The following TIMP3 variants were observed in gnomAD, a reference collection of about 807,000 sequenced individuals.
The protein encoded by TIMP3 is metalloproteinase inhibitor 3.
TIMP3 carries 11 observed loss-of-function variants against 30.0 expected under a neutral mutation model. The observed-to-expected ratio is 0.37, with a 90% CI of 0.23 to 0.61. TIMP3 has a LOEUF of 0.61. Ranked by LOEUF, TIMP3 falls within the 20% of genes least tolerant of loss-of-function variation. The probability of loss-of-function intolerance (pLI) is 0.70; values close to 1 mark genes in which losing one functional copy is unlikely to be tolerated. For missense variants in TIMP3, 181 were observed against 276.8 expected (o/e 0.65, Z 2.45); for synonymous variants, 112 against 111.3 (o/e 1.01, Z -0.04).
intron 2 of TIMP3, among the ~76,000 whole-genome samples, chr22:32,851,348 G>A (rs778835086): frequency 1.1e-4 from 16 of 152,148 alleles, no homozygotes; most frequent in Admixed American, 4.6e-4. Context: ...CCTACCATCA[G>A]GGCCTGGAGA....
chr22:32,831,671 G>C (rs1262713895), intron 1 of TIMP3, among the ~76,000 whole-genome samples: 1 of 152,208 alleles, frequency 6.6e-6, no homozygotes, highest in Non-Finnish European at 1.5e-5. Context: ...CACAGAGCCA[G>C]AGCAAAAGAC....
intron 1 of TIMP3, among the ~76,000 whole-genome samples, chr22:32,807,421 T>G (rs1490568243): frequency 8.4e-6 from 1 of 119,620 alleles, no homozygotes; most frequent in Non-Finnish European, 1.7e-5. Flanking sequence ...TTTACATATA[T>G]ATTATATATA....
At chr22:32,848,227 A>T (rs1486484603) in intron 1 of TIMP3, among the ~76,000 whole-genome samples, 1 of 152,146 alleles carries the variant, frequency 6.6e-6, no homozygotes, top group African/African-American at 2.4e-5. Flanking sequence ...TCAGCCCTCA[A>T]CCCACTGGGT....
At position 32,861,684 on chromosome 22, in the gene TIMP3, G is replaced by A. The variant is rs2048542252; in HGVS notation, c.*2307G>A. On this transcript the variant is annotated 3_prime_UTR_variant, in exon 5 of 5. Transcript: ENST00000266085. The stretch of plus-strand genomic sequence containing the variant: ...AATTAGCAGAACCACATCCCCATCT[G>A]TTAGGCCTTGGTGAGGAGGCCCTGG... The A allele has an allele frequency of 6.5e-6, 1 of 152,672 alleles. No individual in the cohort carries two copies. Among genetic ancestry groups the A allele is most frequent in the African/African-American group, 2.4e-5 (1 of 41,464 alleles). The allele number at this position is 152,672 out of a possible 1,614,324, so 9.5% of individuals were successfully genotyped here.
chr22:32,824,808 G>A (rs373036104), intron 1 of TIMP3, among the ~76,000 whole-genome samples: 7 of 152,182 alleles, frequency 4.6e-5, no homozygotes, highest in South Asian at 2.1e-4. Flanking sequence ...AGACATGGCA[G>A]TTTGCATTCA....
chr22:32,844,886 A>C (rs1211716890), intron 1 of TIMP3, among the ~76,000 whole-genome samples: 1 of 151,750 alleles, frequency 6.6e-6, no homozygotes, highest in African/African-American at 2.4e-5. Flanking sequence ...AATTGTTTTA[A>C]ATTTTTATAA....
chr22:32,833,485 A>G (rs1387432309), intron 1 of TIMP3, among the ~76,000 whole-genome samples: 3 of 152,360 alleles, frequency 2.0e-5, no homozygotes, highest in East Asian at 3.9e-4. Context: ...ATGGTTGCAC[A>G]CTGGGCAGTT....
chr22:32,831,515 G>A (rs999866748), intron 1 of TIMP3, among the ~76,000 whole-genome samples: 7 of 152,114 alleles, frequency 4.6e-5, no homozygotes, highest in Non-Finnish European at 8.8e-5. Flanking sequence ...TCGGAGTTGG[G>A]GGGCAGTAAA....
intron 1 of TIMP3, among the ~76,000 whole-genome samples, chr22:32,838,039 G>A (rs1208913630): frequency 6.6e-6 from 1 of 152,182 alleles, no homozygotes; most frequent in Non-Finnish European, 1.5e-5. Context: ...GGCTGGGTGT[G>A]TCTGCTGCAT....
At chr22:32,833,757 G>A (rs1266344942) in intron 1 of TIMP3, 1 of 496,490 alleles carries the variant, frequency 2.0e-6, no homozygotes, top group Non-Finnish European at 4.0e-6. Flanking sequence ...TACAGGCCTC[G>A]ATTTCTAAAA....
At chr22:32,841,572 T>A (rs891283144) in intron 1 of TIMP3, among the ~76,000 whole-genome samples, 1 of 152,076 alleles carries the variant, frequency 6.6e-6, no homozygotes, top group Non-Finnish European at 1.5e-5. Context: ...ATGGGTCGAA[T>A]TTGAGATGTT....
At chr22:32,843,771 C>G (rs1006249808) in intron 1 of TIMP3, among the ~76,000 whole-genome samples, 9 of 152,178 alleles carry the variant, frequency 5.9e-5, no homozygotes, top group African/African-American at 2.2e-4. Context: ...GCAGCCCCTT[C>G]CCTGGGACTG....
At chr22:32,808,974 C>T (rs1013665370) in intron 1 of TIMP3, among the ~76,000 whole-genome samples, 2 of 152,200 alleles carry the variant, frequency 1.3e-5, no homozygotes, top group Admixed American at 1.3e-4. Flanking sequence ...CTAGTCCTGT[C>T]TTCTGGTGGA....
rs765091643 is a variant in TIMP3, at chr22:32,814,243, A to AAGAC, written c.121+12124_121+12125insCAGA. On this transcript the variant is annotated intron_variant, in intron 1 of 4. Transcript: ENST00000266085. ...GGAAAGAAAGAAAAAAAAAGAAAGA[A>AAGAC]AGAAGGAAAGAAAGAAAGAGGGAGG... 6.0e-3 allele frequency among the ~76,000 whole-genome samples: 829 copies of AAGAC among 138,668 alleles called. 13 individuals carry two copies. Among genetic ancestry groups the AAGAC allele is most frequent in the African/African-American group, 0.02 (723 of 36,640 alleles). The allele number at this position is 138,668 out of a possible 152,430, so 91.0% of individuals were successfully genotyped here.
At chr22:32,803,248 G>T (rs2046640011) in intron 1 of TIMP3, among the ~76,000 whole-genome samples, 1 of 152,084 alleles carries the variant, frequency 6.6e-6, no homozygotes, top group African/African-American at 2.4e-5. Context: ...TGGAGCGTGT[G>T]TGTTTTAAGT....
At chr22:32,807,091 C>T (rs559872264) in intron 1 of TIMP3, among the ~76,000 whole-genome samples, 8 of 150,730 alleles carry the variant, frequency 5.3e-5, no homozygotes, top group Non-Finnish European at 8.8e-5. Context: ...CAGCTGGGAC[C>T]CAGTCTCCTG....
intron 2 of TIMP3, among the ~76,000 whole-genome samples, chr22:32,854,230 CTA>C (rs1229519138): frequency 2.0e-5 from 3 of 152,290 alleles, no homozygotes; most frequent in East Asian, 1.9e-4. Flanking sequence ...AAACACAGCG[CTA>C]TGTTTGTCAG....
intron 1 of TIMP3, among the ~76,000 whole-genome samples, chr22:32,823,760 G>A (rs1011542001): frequency 2.0e-5 from 3 of 151,988 alleles, no homozygotes; most frequent in Non-Finnish European, 2.9e-5. Context: ...GTGAAAAGAC[G>A]TGGGGTGCAG....
rs771669401 is a variant in TIMP3 at position 32,859,393 on chromosome 22, C to T, written c.*16C>T. 2.5e-6 allele frequency: 4 copies of T among 1,603,732 alleles called. No homozygotes were observed. The highest frequency in any genetic ancestry group is 3.4e-6 in the Non-Finnish European group (4 of 1,178,816). On this transcript the variant is annotated 3_prime_UTR_variant, in exon 5 of 5. Coordinates refer to ENST00000266085, the MANE Select transcript of TIMP3 (RefSeq NM_000362.5). ...AGACCCCTGAGCGCCAGACCCTGCCCCACCTCACTTCCCTCCCTTCCCGCT... is the reference window on the plus strand; with the variant it reads ...AGACCCCTGAGCGCCAGACCCTGCCTCACCTCACTTCCCTCCCTTCCCGCT...
Sources: allele counts gnomAD v4.1 joint callset (sites outside exome capture counted in the v4.1 genomes callset), GRCh38; gene constraint gnomAD v4.1.1; transcripts MANE v1.5; gene names NCBI Gene and HGNC (gene_info 2026-07-23, HGNC 2026-07-21).